The following MORN1 variants were observed in gnomAD, a reference collection of about 807,000 sequenced individuals.
The protein encoded by MORN1 is MORN repeat containing 1.
In MORN1, 67 loss-of-function variants were observed where a neutral mutation model predicts 61.9. The observed-to-expected ratio is 1.08, with a 90% CI of 0.89 to 1.33. The LOEUF (loss-of-function observed/expected upper bound fraction) is 1.33. MORN1 is among the 40% of genes most tolerant of loss of function. The pLI, the probability that MORN1 is intolerant of heterozygous loss-of-function variation, is 0.00. For synonymous variants in MORN1, 301 were observed against 292.0 expected (o/e 1.03, Z -0.31); for missense variants, 752 against 691.2 (o/e 1.09, Z -0.99).
At chr1:2,365,566 T>C (rs1333013114) in intron 8 of MORN1, among the ~76,000 whole-genome samples, 2 of 149,640 alleles carry the variant, frequency 1.3e-5, no homozygotes, top group Non-Finnish European at 3.0e-5. Flanking sequence ...TCCTGCCTAA[T>C]TGCCCTGGCC....
In MORN1 at chr1:2,373,027, C is replaced by A. The variant is rs538414572; in HGVS notation, c.635-436G>T. Among the ~76,000 whole-genome samples the A allele has an allele frequency of 2.0e-4, 30 of 152,374 alleles. No individual in the cohort carries two copies. In the South Asian group the frequency reaches 6.2e-3, roughly 32 times the overall value. The stretch of plus-strand genomic sequence containing the variant: ...GCAAGGCCTGGCAAGGGTGGGTCCA[C>A]CGGCTGGCCAGTGCCTCCTGGCAGC... On this transcript the variant is annotated intron_variant, in intron 7 of 13. Transcript: ENST00000378531.
intron 12 of MORN1, chr1:2,326,396 T>C (rs1641026495): frequency 6.6e-6 from 1 of 151,842 alleles, no homozygotes; most frequent in Non-Finnish European, 1.5e-5. Flanking sequence ...CTGAGAGCTT[T>C]TACAGAACCC....
intron 8 of MORN1, among the ~76,000 whole-genome samples, chr1:2,364,995 G>A (rs1641969187): frequency 6.6e-6 from 1 of 152,322 alleles, no homozygotes; most frequent in Middle Eastern, 3.4e-3. Flanking sequence ...CAGGTAGCAT[G>A]ATACCTCCAG....
chr1:2,372,650 T>C lies in MORN1; in HGVS notation c.635-59A>G. 1 of 1,387,882 alleles carries C rather than the reference T, an allele frequency of 7.2e-7. No individual in the cohort carries two copies. Among genetic ancestry groups the C allele is most frequent in the Non-Finnish European group, 1.0e-6 (1 of 997,932 alleles). 86.0% of individuals were successfully genotyped at this position (1,387,882 alleles called of 1,614,324 possible). A position where few individuals can be genotyped will look rare whatever the true frequency, so the allele number is the denominator to read the frequency against. On this transcript the variant is annotated intron_variant, in intron 7 of 13. Coordinates refer to ENST00000378531, the MANE Select transcript of MORN1 (RefSeq NM_024848.3). The surrounding 1 kb of genome is among the most constrained non-coding windows in gnomAD (Gnocchi z 5.4). ...CTGGCATGGTCCCCCACCCACCCCA[T>C]GGCTGAGTCAGCAGTGGGCACCCCA...
In MORN1 at chr1:2,372,719, T is replaced by A. The variant is rs1034362156; in HGVS notation, c.635-128A>T. The A allele has an allele frequency of 1.5e-6, 1 of 662,820 alleles. No individual in the cohort carries two copies. Among genetic ancestry groups the A allele is most frequent in the Non-Finnish European group, 2.6e-6 (1 of 385,606 alleles). 41.1% of individuals were successfully genotyped at this position (662,820 alleles called of 1,614,324 possible). On this transcript the variant is annotated intron_variant, in intron 7 of 13. Coordinates refer to ENST00000378531, the MANE Select transcript of MORN1 (RefSeq NM_024848.3). This position sits in a 1 kb window ranked among gnomAD's most constrained non-coding sequence, Gnocchi z 5.4. ...GTGTGGCAGCTGGAACACAAGCACA[T>A]GCGGGGGCCGACCCTCCGCAAACCA...
chr1:2,388,604 C>A, intron 2 of MORN1: 1 of 398,334 alleles, frequency 2.5e-6, no homozygotes, highest in Non-Finnish European at 4.6e-6. Flanking sequence ...ACGGAGAGAC[C>A]CCGTCTCTAC....
chr1:2,388,210 G>A (rs1363222638), intron 3 of MORN1, 29 bp downstream of exon 3: 13 of 1,565,484 alleles, frequency 8.3e-6, no homozygotes, highest in Middle Eastern at 1.7e-4. Context: ...TGAGAAAGGA[G>A]TGAATGTGCC....
intron 10 of MORN1, among the ~76,000 whole-genome samples, chr1:2,343,157 G>A (rs764429347): frequency 1.4e-4 from 22 of 152,024 alleles, no homozygotes; most frequent in Non-Finnish European, 2.5e-4. Context: ...GGCCTGGGCC[G>A]TCGTGGCTGC....
intron 10 of MORN1, among the ~76,000 whole-genome samples, chr1:2,348,659 GCACGCACACGCA>G (rs146296993): frequency 3.9e-4 from 49 of 125,824 alleles, no homozygotes; most frequent in Non-Finnish European, 6.5e-4. Context: ...ACGCACACAC[GCACGCACACGCA>G]CACCTGCGCA....
rs2645070 is a variant in MORN1, at chr1:2,337,299, A to G, written c.1037-449T>C. Among the ~76,000 whole-genome samples, 100,572 of 151,960 alleles carry G rather than the reference A, an allele frequency of 0.66. 34,235 individuals carry two copies. The highest frequency in any genetic ancestry group is 0.82 in the African/African-American group (34,133 of 41,468). On this transcript the variant is annotated intron_variant, in intron 10 of 13. Transcript: ENST00000378531. The surrounding 1 kb of genome is among the most constrained non-coding windows in gnomAD (Gnocchi z 5.7). ...GATGGTTCTGCCCCAGCGGCCCATCAAGATGGACCTGGCGTCAGGACCCGT... is the reference window on the plus strand; with the variant it reads ...GATGGTTCTGCCCCAGCGGCCCATCGAGATGGACCTGGCGTCAGGACCCGT...
chr1:2,389,802 C>G, intron 2 of MORN1, 123 bp downstream of exon 2: 1 of 843,528 alleles, frequency 1.2e-6, no homozygotes, highest in Admixed American at 2.0e-5. Flanking sequence ...CAGGGAAGCA[C>G]CAGGGTACAA....
chr1:2,388,200 T>A (rs1297252629), intron 3 of MORN1, 39 bp downstream of exon 3: 7 of 1,515,302 alleles, frequency 4.6e-6, no homozygotes, highest in Non-Finnish European at 6.4e-6. Context: ...CGATGGGTTA[T>A]GAGAAAGGAG....
chr1:2,384,607 TGGA>T (rs984772212), intron 6 of MORN1, among the ~76,000 whole-genome samples: 2 of 152,176 alleles, frequency 1.3e-5, no homozygotes, highest in Non-Finnish European at 2.9e-5. Context: ...CTCCCATCGG[TGGA>T]GAAGGCCCCG....
chr1:2,388,968 T>C (rs1467542635), intron 2 of MORN1, among the ~76,000 whole-genome samples: 1 of 151,306 alleles, frequency 6.6e-6, no homozygotes, highest in Non-Finnish European at 1.5e-5. Flanking sequence ...AAAAATTAGC[T>C]GGGCGTGGTG....
In MORN1 at chr1:2,336,811, C is replaced by A. The variant is rs758030811; in HGVS notation, c.1076G>T (p.Arg359Leu). 1 of 1,598,648 alleles carries A rather than the reference C, an allele frequency of 6.3e-7. No individual in the cohort carries two copies. Among genetic ancestry groups the A allele is most frequent in the Non-Finnish European group, 8.5e-7 (1 of 1,173,796 alleles). Reference sequence around the variant, plus strand: ...GAACTCGGCACAGCCCTGCTCCACTCGCTGACAGGCCCCGGGACAATGGGG... The same window carrying A: ...GAACTCGGCACAGCCCTGCTCCACTAGCTGACAGGCCCCGGGACAATGGGG... Reference protein sequence around the residue: ...HAPHCPGACQRVEQGCAEFTD... With the variant: ...HAPHCPGACQLVEQGCAEFTD... Residue 359 changes from arginine to leucine, a missense_variant, in exon 11 of 14, where the codon CGA (arginine) becomes CTA (leucine). Transcript: ENST00000378531.
chr1:2,381,175 C>A (rs1414160002), intron 6 of MORN1, among the ~76,000 whole-genome samples: 1 of 152,270 alleles, frequency 6.6e-6, no homozygotes, highest in East Asian at 1.9e-4. Context: ...AAACCTCCTG[C>A]CTCTGAAGCG....
chr1:2,372,573 A>T lies in MORN1; in HGVS notation c.653T>A (p.Val218Glu). 1 of 1,613,120 alleles carries T rather than the reference A, an allele frequency of 6.2e-7. No individual in the cohort carries two copies. The highest frequency in any genetic ancestry group is 8.5e-7 in the Non-Finnish European group (1 of 1,179,700). ...GHPAEQATRIVILGPEVMEVA... is the reference protein window; with the variant it reads ...GHPAEQATRIEILGPEVMEVA... The stretch of plus-strand genomic sequence containing the variant: ...TTCCATCACCTCCGGACCCAAGATC[A>T]CGATCCTCGTAGCTTGTTCTGGGAG... The change falls in exon 8 of 14, where the codon GTG (valine) becomes GAG (glutamate). Residue 218 changes from valine (V) to glutamate (E), a missense_variant. Val to Glu is a moderately radical substitution (Grantham distance 121). Transcript: ENST00000378531. This position sits in a 1 kb window ranked among gnomAD's most constrained non-coding sequence, Gnocchi z 5.4.
intron 12 of MORN1, among the ~76,000 whole-genome samples, chr1:2,326,873 T>C (rs1186616905): frequency 2.0e-5 from 3 of 151,954 alleles, no homozygotes; most frequent in Non-Finnish European, 4.4e-5. Context: ...GGGATCAGGG[T>C]GAAGACACAG....
chr1:2,341,818 T>C (rs1641401936), intron 10 of MORN1, among the ~76,000 whole-genome samples: 1 of 152,168 alleles, frequency 6.6e-6, no homozygotes. Context: ...CCACCGTCAG[T>C]GGAGATCCTC....
Sources: gnomAD v4.1 joint callset for allele counts (sites outside exome capture counted in the v4.1 genomes callset) on GRCh38, gnomAD v4.1.1 for gene constraint, Gnocchi (gnomAD v3.1) non-coding constraint, MANE v1.5 for transcripts, NCBI Gene and HGNC (gene_info 2026-07-23, HGNC 2026-07-21) for gene names.